NUP88: variants seen among roughly 807,000 people sequenced by gnomAD.
The protein encoded by NUP88 is nuclear pore complex protein Nup88.
A neutral mutation model predicts 93.9 loss-of-function variants in NUP88; 57 were observed. The ratio of observed to expected loss-of-function variants is 0.61; its 90% CI spans 0.49 to 0.76. NUP88 has a LOEUF of 0.76. Ranked by LOEUF, NUP88 falls within the 30% of genes least tolerant of loss-of-function variation. The probability of loss-of-function intolerance (pLI) is 0.00; values close to 1 mark genes in which losing one functional copy is unlikely to be tolerated. For missense variants in NUP88, 911 were observed against 901.0 expected (o/e 1.01, Z -0.14); for synonymous variants, 346 against 336.8 (o/e 1.03, Z -0.30).
intron 8 of NUP88, among the ~76,000 whole-genome samples, chr17:5,396,240 A>G (rs1317635472): frequency 6.6e-6 from 1 of 152,116 alleles, no homozygotes; most frequent in African/African-American, 2.4e-5. Flanking sequence ...TATCATTAAC[A>G]ATTTGGAATA....
chr17:5,408,710 G>T (rs1913642653), intron 5 of NUP88, 23 bp downstream of exon 5: 2 of 1,554,960 alleles, frequency 1.3e-6, no homozygotes, highest in East Asian at 4.6e-5. Flanking sequence ...TTTCATTTCA[G>T]GTGGGTGACC....
At position 5,408,768 on chromosome 17, in the gene NUP88, TC is replaced by T; in HGVS notation, c.821del (p.Gly274GlufsTer5). 6.2e-7 allele frequency: 1 copy of T among 1,611,638 alleles called. No homozygotes were observed. Among genetic ancestry groups the T allele is most frequent in the Non-Finnish European group, 8.5e-7 (1 of 1,179,302 alleles). On this transcript the variant is annotated frameshift_variant, in exon 5 of 17. Transcript: ENST00000573584. LOFTEE classifies it high-confidence loss of function. ...GACTGATGTATGTCAGGAAAGTCTC[TC>T]CATTTTCATATAAGATGTACAGTGG... ...AYPLYILYENGETFLTYISLL... is the reference protein window; with the variant it reads ...AYPLYILYENXETFLTYISLL...
At chr17:5,419,224 G>A in intron 1 of NUP88, 130 bp downstream of exon 1, 1 of 1,078,246 alleles carries the variant, frequency 9.3e-7, no homozygotes, top group Non-Finnish European at 1.3e-6. Flanking sequence ...CCGCGACCGC[G>A]TATGGCAGCG....
chr17:5,416,426 G>C, intron 2 of NUP88, 87 bp downstream of exon 2: 1 of 875,030 alleles, frequency 1.1e-6, no homozygotes, highest in South Asian at 2.0e-5. Flanking sequence ...TTTAAGAGTA[G>C]TATACTAAAC....
rs1226531839 is a variant in NUP88, at chr17:5,405,203, G to A, written c.898C>T (p.His300Tyr). The change falls in exon 6 of 17, where the codon CAT becomes TAT. Residue 300 changes from histidine (H) to tyrosine (Y), a missense_variant. Coordinates refer to ENST00000573584, the MANE Select transcript of NUP88 (RefSeq NM_002532.6). ...IGKLLGPLPM[H>Y]PAAEDNYGYD... ...CCATAGTTATCTTCAGCCGCAGGAT[G>A]CATGGGCAATGGACCCAACAGCTTT... is the stretch of plus-strand genomic sequence containing the variant. 6.2e-7 allele frequency: 1 copy of A among 1,614,060 alleles called. No homozygotes were observed. The highest frequency in any genetic ancestry group is 1.1e-5 in the South Asian group (1 of 91,044).
intron 11 of NUP88, chr17:5,388,119 G>T (rs1253029583): frequency 1.7e-5 from 6 of 363,072 alleles, no homozygotes; most frequent in Admixed American, 4.1e-5. Flanking sequence ...TTCTGCCTCA[G>T]CCTCTCGAGT....
At chr17:5,417,311 TAAGTA>T (rs1278105875) in intron 1 of NUP88, among the ~76,000 whole-genome samples, 2 of 152,000 alleles carry the variant, frequency 1.3e-5, no homozygotes, top group African/African-American at 2.4e-5. Context: ...CATACAAAAA[TAAGTA>T]AATAGCCAGG....
chr17:5,419,022 C>T (rs1421947205), intron 1 of NUP88, among the ~76,000 whole-genome samples: 1 of 152,226 alleles, frequency 6.6e-6, no homozygotes. Context: ...CTATTATAAG[C>T]GTCACATCAG....
At chr17:5,391,302 T>C (rs1393793105) in intron 10 of NUP88, among the ~76,000 whole-genome samples, 1 of 152,108 alleles carries the variant, frequency 6.6e-6, no homozygotes, top group Non-Finnish European at 1.5e-5. Context: ...GGTATTCAAT[T>C]TTAGTATTTT....
In NUP88 at chr17:5,394,904, G is replaced by C. The variant is rs904871528; in HGVS notation, c.1369C>G (p.Pro457Ala). 7 of 1,612,046 alleles carry C rather than the reference G, an allele frequency of 4.3e-6. No individual in the cohort carries two copies. Among genetic ancestry groups the C allele is most frequent in the Non-Finnish European group, 5.9e-6 (7 of 1,178,228 alleles). Reference sequence around the variant, plus strand: ...GAGAGTCCTTACCTGCAGGGCAATGGCTTCGTACAAAGGATGTGTTCAACA... The same window carrying C: ...GAGAGTCCTTACCTGCAGGGCAATGCCTTCGTACAAAGGATGTGTTCAACA... ...CFVEHILCTK[P>A]LPCRQPAPIR... The change falls in exon 9 of 17, where the codon CCA becomes GCA. Residue 457 changes from proline (P) to alanine (A), a missense_variant. Physicochemically the swap from Pro to Ala is conservative, Grantham distance 27. Coordinates refer to ENST00000573584, the MANE Select transcript of NUP88 (RefSeq NM_002532.6).
chr17:5,391,693 AAGC>A (rs1912447386), intron 9 of NUP88, 31 bp from the exon 10 acceptor site: 1 of 1,571,470 alleles, frequency 6.4e-7, no homozygotes, highest in Non-Finnish European at 8.8e-7. Context: ...TTAAATTACA[AAGC>A]AGCAAATGCA....
In NUP88 at chr17:5,405,139, G is replaced by A; in HGVS notation, c.962C>T (p.Pro321Leu). 6.2e-7 allele frequency: 1 copy of A among 1,614,162 alleles called. No homozygotes were observed. The highest frequency in any genetic ancestry group is 8.5e-7 in the Non-Finnish European group (1 of 1,180,010). ...TTCAGTAGCGATCACTAAGATATTG[G>A]GGACACAGGGTAAGCAGAGTACAGC... ...ACAVLCLPCVPNILVIATESG... is the reference protein window; with the variant it reads ...ACAVLCLPCVLNILVIATESG... Residue 321 changes from proline (P) to leucine (L), a missense_variant, in exon 6 of 17, where the codon CCC becomes CTC. Pro to Leu is a moderately conservative substitution (Grantham distance 98). Transcript: ENST00000573584.
At chr17:5,416,145 A>C (rs1208878213) in intron 2 of NUP88, among the ~76,000 whole-genome samples, 2 of 72,360 alleles carry the variant, frequency 2.8e-5, no homozygotes, top group African/African-American at 1.4e-4. Context: ...ACTCCATCTC[A>C]AAAAAAAAAA....
At chr17:5,403,594 AG>A (rs1248360628) in intron 7 of NUP88, among the ~76,000 whole-genome samples, 27 of 152,284 alleles carry the variant, frequency 1.8e-4, no homozygotes, top group African/African-American at 6.0e-4. Context: ...TGGGAGATGG[AG>A]GTTGCAGTGA....
intron 8 of NUP88, among the ~76,000 whole-genome samples, chr17:5,396,892 T>G (rs1912812233): frequency 6.6e-6 from 1 of 152,216 alleles, no homozygotes; most frequent in Non-Finnish European, 1.5e-5. Flanking sequence ...AATAATGTTG[T>G]ACATCTTTTT....
intron 7 of NUP88, 51 bp from the exon 8 acceptor site, chr17:5,399,701 A>C (rs961091858): frequency 1.0e-6 from 1 of 977,946 alleles, no homozygotes; most frequent in Non-Finnish European, 1.6e-6. Context: ...ATAACTAAAA[A>C]AATTTACCTC....
chr17:5,388,017 T>C, intron 11 of NUP88, 113 bp from the exon 12 acceptor site: 5 of 1,114,118 alleles, frequency 4.5e-6, no homozygotes, highest in Non-Finnish European at 6.1e-6. Context: ...ATTTATTTAT[T>C]TGAGATGCAG....
In NUP88 at chr17:5,394,983, T is replaced by C. The variant is rs749614981; in HGVS notation, c.1292-2A>G. On this transcript the variant is annotated splice_acceptor_variant, in intron 8 of 16. Transcript: ENST00000573584. LOFTEE classifies it high-confidence loss of function. ...GTAAACTATCCTTATCTTCTTCATC[T>C]ACCATGGAAGACATTACATAAATGA... 4.5e-6 allele frequency: 7 copies of C among 1,563,328 alleles called. No individual in the cohort carries two copies. The Admixed American group carries it at 1.0e-4, about 22-fold the overall frequency.
rs944960786 is a variant in NUP88, at chr17:5,413,247, C to T, written c.593+762G>A. ...TCGGCCTCCCAAAGTGCTGGGATTA[C>T]AGGTGTGAGCCACTGCAACCAGCCA... On this transcript the variant is annotated intron_variant, in intron 3 of 16. Transcript: ENST00000573584. Among the ~76,000 whole-genome samples, 24 of 152,170 alleles carry T rather than the reference C, an allele frequency of 1.6e-4. 1 individual carries two copies. Among genetic ancestry groups the T allele is most frequent in the Admixed American group, 1.5e-3 (23 of 15,266 alleles).
Sources: allele counts gnomAD v4.1 joint callset (sites outside exome capture counted in the v4.1 genomes callset), GRCh38; gene constraint gnomAD v4.1.1; transcripts MANE v1.5; gene names NCBI Gene and HGNC (gene_info 2026-07-23, HGNC 2026-07-21).